ZNF728: variants seen among roughly 807,000 people sequenced by gnomAD.
ZNF728 encodes the protein zinc finger protein 728.
In ZNF728, 12 loss-of-function variants were observed where a neutral mutation model predicts 12.5. The observed-to-expected ratio is 0.96, with a 90% confidence interval of 0.61 to 1.55. The LOEUF is 1.55. ZNF728 is among the 40% of genes most tolerant of loss of function. The pLI is 0.00. For missense variants in ZNF728, 692 were observed against 719.2 expected, an observed-to-expected ratio of 0.96 and a Z score of 0.43; for synonymous variants, 205 against 240.7, an observed-to-expected ratio of 0.85 and a Z score of 1.37.
At chr19:22,980,206 A>C (rs552652072) in intron 3 of ZNF728, among the ~76,000 whole-genome samples, 42 of 151,258 alleles carry the variant, frequency 2.8e-4, no homozygotes, top group South Asian at 2.1e-3. Flanking sequence ...AAGAAACAAA[A>C]AAAAAAAAAA....
chr19:23,000,874 A>AACC (rs1555703734), intron 1 of ZNF728, among the ~76,000 whole-genome samples: 1 of 138,104 alleles, frequency 7.2e-6, no homozygotes, highest in Non-Finnish European at 1.5e-5. Context: ...TCAAAAAAAA[A>AACC]AAAAAAAAAA....
chr19:22,999,490 T>G (rs1969084244), intron 1 of ZNF728, among the ~76,000 whole-genome samples: 1 of 152,142 alleles, frequency 6.6e-6, no homozygotes, highest in Non-Finnish European at 1.5e-5. Flanking sequence ...GGAAAGGCTT[T>G]CCAGAAGGAA....
Position 22,975,939 on chromosome 19 carries a change from G to A in ZNF728, c.1398C>T (p.Ser466=), listed in dbSNP as rs752354751. 105 of 1,605,500 alleles carry A rather than the reference G, an allele frequency of 6.5e-5. No homozygotes were observed. The highest frequency in any genetic ancestry group is 8.9e-5 in the Non-Finnish European group (104 of 1,174,258). ...ECGKVFSWSS[S]LTTHKAIHAG... is the part of the protein sequence containing the mutation. ...CATGAATTGCCTTATGTGTAGTAAGGCTTGAGGACCAGCTGAAGACTTTGC... is the reference window on the plus strand; with the variant it reads ...CATGAATTGCCTTATGTGTAGTAAGACTTGAGGACCAGCTGAAGACTTTGC... Residue 466 remains serine (S), a synonymous_variant, in exon 4 of 4, where the codon AGC becomes AGT. Coordinates refer to ENST00000594710, the MANE Select transcript of ZNF728 (RefSeq NM_001267716.2).
At chr19:22,998,234 T>C (rs894370852) in intron 1 of ZNF728, among the ~76,000 whole-genome samples, 1 of 151,954 alleles carries the variant, frequency 6.6e-6, no homozygotes, top group African/African-American at 2.4e-5. Context: ...AAAGAAAATA[T>C]GGTATGGTTG....
At chr19:22,982,439 C>T (rs540038396) in intron 3 of ZNF728, among the ~76,000 whole-genome samples, 46 of 152,234 alleles carry the variant, frequency 3.0e-4, no homozygotes, top group Admixed American at 3.0e-3. Context: ...GGCCATACGG[C>T]CCAAAGTAAT....
intron 1 of ZNF728, 67 bp downstream of exon 1, chr19:23,002,955 CGCCACA>C: frequency 6.3e-7 from 1 of 1,579,762 alleles, no homozygotes. Flanking sequence ...GCCTGAGTCC[CGCCACA>C]GCCACTTCCC....
At chr19:22,983,691 T>C (rs142892272) in intron 3 of ZNF728, among the ~76,000 whole-genome samples, 1 of 151,724 alleles carries the variant, frequency 6.6e-6, no homozygotes, top group Non-Finnish European at 1.5e-5. Flanking sequence ...AAAGGATGAG[T>C]CCATGTCCTT....
Position 22,976,536 on chromosome 19 carries a change from CCGGG to C in ZNF728, c.797_800del (p.Thr266SerfsTer94). On this transcript the variant is annotated frameshift_variant, in exon 4 of 4. Transcript: ENST00000594710. LOFTEE classifies it low-confidence loss of function (END_TRUNC). ...TCTTATGTTCAATAAGGCTTGAGGA[CCGGG>C]TGAAGGCTTTGCCACATTCTTCACA... 6.2e-7 allele frequency: 1 copy of C among 1,612,154 alleles called. No individual in the cohort carries two copies. Among genetic ancestry groups the C allele is most frequent in the South Asian group, 1.1e-5 (1 of 91,018 alleles).
At chr19:22,977,576 T>C (rs1157287582) in intron 3 of ZNF728, among the ~76,000 whole-genome samples, 1 of 152,148 alleles carries the variant, frequency 6.6e-6, no homozygotes, top group Non-Finnish European at 1.5e-5. Context: ...TACTTAGAAA[T>C]GACAGTTTGA....
intron 3 of ZNF728, among the ~76,000 whole-genome samples, chr19:22,985,004 T>A (rs1463637417): frequency 6.6e-6 from 1 of 152,116 alleles, no homozygotes; most frequent in African/African-American, 2.4e-5. Context: ...TGAGGAGTCA[T>A]TTACATAGCA....
At chr19:22,993,726 T>A (rs1190360113) in intron 1 of ZNF728, among the ~76,000 whole-genome samples, 1 of 152,196 alleles carries the variant, frequency 6.6e-6, no homozygotes, top group Non-Finnish European at 1.5e-5. Context: ...GGATATGGAA[T>A]ACAGTGTCCA....
At chr19:22,981,002 GA>G (rs1371151721) in intron 3 of ZNF728, among the ~76,000 whole-genome samples, 6 of 151,022 alleles carry the variant, frequency 4.0e-5, no homozygotes, top group South Asian at 2.1e-4. Context: ...AACCCTAGCA[GA>G]AGATAACAAA....
rs746269232 is a variant in ZNF728 at position 22,976,216 on chromosome 19, C to G, written c.1121G>C (p.Gly374Ala). The change falls in exon 4 of 4, where the codon GGC (glycine) becomes GCC (alanine). Residue 374 changes from glycine (G) to alanine (A), a missense_variant. By Grantham distance (60) the Gly-to-Ala change is moderately conservative. Around this residue, in one of 3 missense-constraint regions of ZNF728, gnomAD observed 440 missense variants for 459.6 expected, o/e 0.96. Coordinates refer to ENST00000594710, the MANE Select transcript of ZNF728 (RefSeq NM_001267716.2). ...GCTTGAGGGCCAGCTGAAGGCTTTGCCACATTCTTCACATTTGTAGGGTTT... is the reference window on the plus strand; with the variant it reads ...GCTTGAGGGCCAGCTGAAGGCTTTGGCACATTCTTCACATTTGTAGGGTTT... The part of the protein sequence containing the change: ...GEKPYKCEEC[G>A]KAFSWPSSLT... 1.2e-6 allele frequency: 2 copies of G among 1,613,374 alleles called. No individual in the cohort carries two copies. The highest frequency in any genetic ancestry group is 1.7e-6 in the Non-Finnish European group (2 of 1,179,822).
chr19:22,988,937 G>C lies in ZNF728; in HGVS notation c.4-486C>G, dbSNP rs189932066. Among the ~76,000 whole-genome samples the C allele has an allele frequency of 4.2e-3, 630 of 150,992 alleles. 7 individuals are homozygous for C. The highest frequency in any genetic ancestry group is 0.014 in the African/African-American group (584 of 41,092). ...GTGGTGGTGTGTGCTTGTAATTCTA[G>C]CTACTTGGGAGGCTGAGGCAGGAGA... On this transcript the variant is annotated intron_variant, in intron 1 of 3. Transcript: ENST00000594710.
rs1159735779 is a variant in ZNF728, at chr19:22,975,392, G to A, written c.*76C>T. The A allele has an allele frequency of 3.6e-6, 5 of 1,388,896 alleles. No homozygotes were observed. Among genetic ancestry groups the A allele is most frequent in the Non-Finnish European group, 4.9e-6 (5 of 1,024,112 alleles). 86.0% of individuals were successfully genotyped at this position (1,388,896 alleles called of 1,614,324 possible). A position where few individuals can be genotyped will look rare whatever the true frequency, so the allele number is the denominator to read the frequency against. On this transcript the variant is annotated 3_prime_UTR_variant, in exon 4 of 4. Transcript: ENST00000594710. The stretch of plus-strand genomic sequence containing the variant: ...AAAATTTGCCACATTCTTCACATTT[G>A]TAGGGTTTCCCTCCTGTATAAATAC...
chr19:22,987,952 C>T (rs570439049), intron 2 of ZNF728, among the ~76,000 whole-genome samples: 11 of 152,292 alleles, frequency 7.2e-5, no homozygotes, highest in Admixed American at 5.9e-4. Flanking sequence ...TGGGCGAATT[C>T]GCTTCTGCTC....
rs886195989 is a variant in ZNF728 at position 22,976,516 on chromosome 19, T to G, written c.821A>C (p.His274Pro). ...AFTRSSSLIE[H>P]KRSHAGEKPY... ...TTTCTCTCCAGCATGACTTCTCTTA[T>G]GTTCAATAAGGCTTGAGGACCGGGT... The change falls in exon 4 of 4, where the codon CAT becomes CCT. Residue 274 changes from histidine (H) to proline (P), a missense_variant. Physicochemically the swap from His to Pro is moderately conservative, Grantham distance 77 (BLOSUM62 -2). Coordinates refer to ENST00000594710, the MANE Select transcript of ZNF728 (RefSeq NM_001267716.2). The G allele has an allele frequency of 6.2e-7, 1 of 1,613,084 alleles. No homozygotes were observed. The highest frequency in any genetic ancestry group is 8.5e-7 in the Non-Finnish European group (1 of 1,179,968).
chr19:22,992,349 T>A (rs1216325291), intron 1 of ZNF728, among the ~76,000 whole-genome samples: 1 of 152,034 alleles, frequency 6.6e-6, no homozygotes, highest in African/African-American at 2.4e-5. Context: ...TTCAAGCGAT[T>A]CTCCTGCCTC....
chr19:22,993,550 A>C (rs906711534), intron 1 of ZNF728, among the ~76,000 whole-genome samples: 2 of 152,240 alleles, frequency 1.3e-5, no homozygotes, highest in African/African-American at 4.8e-5. Flanking sequence ...CCAAATATTC[A>C]AGTTGCCTGG....
Sources: gnomAD v4.1 joint callset for allele counts (sites outside exome capture counted in the v4.1 genomes callset) on GRCh38, gnomAD v4.1.1 for gene constraint, gnomAD v4.1.1 regional missense constraint, MANE v1.5 for transcripts, NCBI Gene and HGNC (gene_info 2026-07-23, HGNC 2026-07-21) for gene names.